OSMR: variants seen among roughly 807,000 people sequenced by gnomAD.
OSMR encodes the protein oncostatin M receptor.
In OSMR, 81 loss-of-function variants were observed where a neutral mutation model predicts 99.9. The observed-to-expected ratio is 0.81, with a 90% confidence interval of 0.68 to 0.97. The LOEUF is 0.97. OSMR is among the 50% of genes least tolerant of loss of function. The probability of loss-of-function intolerance (pLI) is 0.00; values close to 1 mark genes in which losing one functional copy is unlikely to be tolerated. For missense variants in OSMR, 1,099 were observed against 1,153.4 expected (o/e 0.95, Z 0.68); for synonymous variants, 406 against 410.4 (o/e 0.99, Z 0.13).
chr5:38,881,391 GT>G, intron 3 of OSMR: 15 of 740,504 alleles, frequency 2.0e-5, no homozygotes, highest in Non-Finnish European at 2.3e-5. Flanking sequence ...TGGAAGCTGA[GT>G]TTTCAAAAGG....
At chr5:38,924,847 A>C (rs1200470967) in intron 14 of OSMR, among the ~76,000 whole-genome samples, 2 of 151,978 alleles carry the variant, frequency 1.3e-5, no homozygotes, top group Admixed American at 6.6e-5. Flanking sequence ...CCAGCTCCTT[A>C]AGAAAGCCTG....
intron 1 of OSMR, chr5:38,942,342 G>T: frequency 6.3e-7 from 1 of 1,598,384 alleles, no homozygotes. Flanking sequence ...GGTTGCTTTG[G>T]TGGTGTTGCC....
downstream of OSMR, among the ~76,000 whole-genome samples, chr5:38,936,732 A>ACTT (rs1747063302): frequency 6.6e-6 from 1 of 152,248 alleles, no homozygotes; most frequent in African/African-American, 2.4e-5. Flanking sequence ...ATAAAGTAGA[A>ACTT]CTTTTAAAAC....
intron 7 of OSMR, among the ~76,000 whole-genome samples, chr5:38,893,873 C>T (rs1238367871): frequency 6.6e-6 from 1 of 152,272 alleles, no homozygotes; most frequent in East Asian, 1.9e-4. Context: ...GGCATATAGG[C>T]ACCAGATTGT....
At chr5:38,863,173 C>T (rs1310288508) in intron 1 of OSMR, among the ~76,000 whole-genome samples, 3 of 57,818 alleles carry the variant, frequency 5.2e-5, no homozygotes, top group Admixed American at 2.5e-4. Context: ...AGAGGGAGAC[C>T]GTGGGGAGAG....
At chr5:38,905,362 G>A (rs1001684188) in intron 9 of OSMR, among the ~76,000 whole-genome samples, 5 of 152,092 alleles carry the variant, frequency 3.3e-5, no homozygotes, top group Non-Finnish European at 2.9e-5. Flanking sequence ...GGTGGCACAC[G>A]CCTGTAATCC....
At chr5:38,846,703 G>T (rs1206868562) in intron 1 of OSMR, among the ~76,000 whole-genome samples, 1 of 152,170 alleles carries the variant, frequency 6.6e-6, no homozygotes, top group Non-Finnish European at 1.5e-5. Flanking sequence ...CAGGTGGAGA[G>T]AGGAATCCCC....
At chr5:38,903,631 C>T in intron 7 of OSMR, 1 of 313,640 alleles carries the variant, frequency 3.2e-6, no homozygotes, top group Non-Finnish European at 4.6e-6. Flanking sequence ...AATTTGCCTA[C>T]TTGTGTTTAA....
intron 9 of OSMR, among the ~76,000 whole-genome samples, chr5:38,916,542 G>C (rs557661310): frequency 8.5e-5 from 13 of 152,252 alleles, no homozygotes; most frequent in African/African-American, 3.1e-4. Flanking sequence ...TTGGAACTGG[G>C]CTGGCATCTA....
In OSMR at chr5:38,930,920, T is replaced by TTGTGTGTGTGTG. The variant is rs55964556; in HGVS notation, c.2213-929_2213-918dup. Among the ~76,000 whole-genome samples the TTGTGTGTGTGTG allele has an allele frequency of 9.2e-5, 13 of 141,890 alleles. 1 individual carries two copies. In the East Asian group the frequency reaches 1.3e-3, roughly 14 times the overall value. 93.1% of individuals were successfully genotyped at this position (141,890 alleles called of 152,430 possible). On this transcript the variant is annotated intron_variant, in intron 15 of 17. Transcript: ENST00000274276. Reference sequence around the variant, plus strand: ...GGGAAGATGCCCTTGCAGAAGCATTTTGTGTGTGTGTGTGTGTGTGTGTGT... The same window carrying TTGTGTGTGTGTG: ...GGGAAGATGCCCTTGCAGAAGCATTTTGTGTGTGTGTGTGTGTGTGTGTGTGTGTGTGTGTGT...
At chr5:38,853,895 A>C (rs1289093071) in intron 1 of OSMR, among the ~76,000 whole-genome samples, 2 of 152,066 alleles carry the variant, frequency 1.3e-5, no homozygotes, top group Non-Finnish European at 2.9e-5. Flanking sequence ...AAGGAGAAAT[A>C]CTCAAAGCTT....
rs372746355 is a variant in OSMR at position 38,933,136 on chromosome 5, C to G, written c.2632C>G (p.Pro878Ala). The change falls in exon 18 of 18, where the codon CCA becomes GCA. Residue 878 changes from proline (P) to alanine (A), a missense_variant. Transcript: ENST00000274276. ...CTCTTGTGGCCATGTTCCAGTATCC[C>G]CAAAAGCCCCAAGTATGCTGGGACT... Reference protein sequence around the residue: ...SGSCGHVPVSPKAPSMLGLMT... With the variant: ...SGSCGHVPVSAKAPSMLGLMT... 1.5e-5 allele frequency: 25 copies of G among 1,614,162 alleles called. No homozygotes were observed. The highest frequency in any genetic ancestry group is 2.0e-5 in the Non-Finnish European group (24 of 1,180,002).
At chr5:38,850,725 CT>C (rs1195776535) in intron 1 of OSMR, among the ~76,000 whole-genome samples, 3 of 152,170 alleles carry the variant, frequency 2.0e-5, no homozygotes, top group Admixed American at 1.3e-4. Flanking sequence ...GTAATGCCAG[CT>C]TTTGAGAAGA....
intron 10 of OSMR, 90 bp downstream of exon 10, chr5:38,917,712 G>C (rs1261954951): frequency 1.9e-6 from 2 of 1,054,478 alleles, no homozygotes; most frequent in Admixed American, 1.7e-5. Flanking sequence ...CTGTGGATTG[G>C]TTCAGTGTCC....
At chr5:38,942,045 G>A in intron 1 of OSMR, 2 of 344,160 alleles carry the variant, frequency 5.8e-6, no homozygotes, top group Non-Finnish European at 1.0e-5. Flanking sequence ...CTTGGCTCTT[G>A]CATACAATGG....
downstream of OSMR, among the ~76,000 whole-genome samples, chr5:38,936,074 A>AAAT (rs1747020638): frequency 6.6e-6 from 1 of 152,212 alleles, no homozygotes; most frequent in African/African-American, 2.4e-5. Flanking sequence ...AGAAACTTTG[A>AAAT]AATAATACAT....
In OSMR at chr5:38,868,969, G is replaced by A. The variant is rs186609161; in HGVS notation, c.-13-63G>A. ...TTGCCTCATCTACCACAATTGGCTC[G>A]AAGAAATTTGCCAGTATTGAAAATT... On this transcript the variant is annotated intron_variant, in intron 1 of 17. Coordinates refer to ENST00000274276, the MANE Select transcript of OSMR (RefSeq NM_003999.3). 4.0e-3 allele frequency: 6,283 copies of A among 1,577,452 alleles called. 19 individuals carry two copies. The highest frequency in any genetic ancestry group is 4.9e-3 in the Non-Finnish European group (5,677 of 1,160,408).
rs913480267 is a variant in OSMR at position 38,903,771 on chromosome 5, G to A, written c.992-111G>A. On this transcript the variant is annotated intron_variant, in intron 7 of 17. Transcript: ENST00000274276. ...GTTCTTGTTTGTCATGTTCTCAAAA[G>A]TGAACAAAAATACTTGTTGAACAAA... 6 of 1,515,326 alleles carry A rather than the reference G, an allele frequency of 4.0e-6. No homozygotes were observed. In the African/African-American group the frequency reaches 8.4e-5, roughly 21 times the overall value. 93.9% of individuals were successfully genotyped at this position (1,515,326 alleles called of 1,614,324 possible). A position where few individuals can be genotyped will look rare whatever the true frequency, so the allele number is the denominator to read the frequency against.
chr5:38,903,387 A>C (rs920152414), intron 7 of OSMR, among the ~76,000 whole-genome samples: 2 of 152,242 alleles, frequency 1.3e-5, no homozygotes, highest in African/African-American at 4.8e-5. Flanking sequence ...TCGTGACAAC[A>C]CATGACTCGC....
Sources: allele counts gnomAD v4.1 joint callset (sites outside exome capture counted in the v4.1 genomes callset), GRCh38; gene constraint gnomAD v4.1.1; transcripts MANE v1.5; gene names NCBI Gene and HGNC (gene_info 2026-07-23, HGNC 2026-07-21).